Variants in TESC observed in about 807,000 individuals in gnomAD.
TESC encodes the protein tescalcin.
In TESC, 19 loss-of-function variants were observed where a neutral mutation model predicts 31.0. The observed-to-expected ratio is 0.61, with a 90% CI of 0.43 to 0.90. The LOEUF (loss-of-function observed/expected upper bound fraction) is 0.90. Ranked by LOEUF, TESC falls within the 40% of genes least tolerant of loss-of-function variation. The pLI is 0.00. For synonymous variants in TESC, 109 were observed against 114.8 expected (o/e 0.95, Z 0.32); for missense variants, 248 against 303.8 (o/e 0.82, Z 1.36).
At chr12:117,075,871 GTGTGTATA>G in intron 1 of TESC, among the ~76,000 whole-genome samples, 1 of 45,132 alleles carries the variant, frequency 2.2e-5, no homozygotes, top group African/African-American at 1.1e-4. Context: ...ATATATATAT[GTGTGTATA>G]TATATATATA....
At chr12:117,039,239 ACGTTCC>A in intron 7 of TESC, 29 bp from the exon 8 acceptor site, 1 of 1,599,604 alleles carries the variant, frequency 6.3e-7, no homozygotes, top group Non-Finnish European at 8.5e-7. Context: ...CGTTAAGGGC[ACGTTCC>A]CGCCGCCACC....
intron 1 of TESC, among the ~76,000 whole-genome samples, chr12:117,075,836 C>CGTGT (rs202077142): frequency 6.4e-4 from 35 of 54,912 alleles, no homozygotes; most frequent in African/African-American, 2.1e-3. Flanking sequence ...GGCTAATTTT[C>CGTGT]GTGTGTGTGT....
chr12:117,076,873 G>A (rs915746463), intron 1 of TESC, among the ~76,000 whole-genome samples: 13 of 152,180 alleles, frequency 8.5e-5, no homozygotes. Context: ...TCACCAAGAA[G>A]TAATATCGCC....
intron 3 of TESC, chr12:117,054,131 T>TC (rs1175848309): frequency 6.6e-6 from 1 of 152,040 alleles, no homozygotes; most frequent in Non-Finnish European, 1.5e-5. Context: ...ATCCAACCCT[T>TC]CCTCATCTAT....
At chr12:117,089,871 A>T (rs1955282908) in intron 1 of TESC, among the ~76,000 whole-genome samples, 2 of 152,138 alleles carry the variant, frequency 1.3e-5, no homozygotes, top group South Asian at 2.1e-4. Flanking sequence ...GAATCAAACA[A>T]CATAAACCAT....
intron 6 of TESC, among the ~76,000 whole-genome samples, chr12:117,042,887 C>T (rs1183382549): frequency 2.0e-5 from 3 of 152,138 alleles, no homozygotes; most frequent in Admixed American, 1.3e-4. Context: ...ATTACTGGAA[C>T]GCTAAGCTGT....
Position 117,049,036 on chromosome 12 carries a change from C to T in TESC, c.332G>A (p.Arg111Gln), listed in dbSNP as rs2135752312. The T allele has an allele frequency of 1.9e-6, 3 of 1,614,176 alleles. No individual in the cohort carries two copies. Among genetic ancestry groups the T allele is most frequent in the Non-Finnish European group, 2.5e-6 (3 of 1,180,026 alleles). ...GCACGCACATCTCAGCTTCTCCTTC[C>T]GGGACAGCTCCACCTGTTCCTCGTC... ...TMDEEQVELS[R>Q]KEKLRFLFHM... is the part of the protein sequence containing the mutation. Residue 111 changes from arginine (R) to glutamine (Q), a missense_variant, in exon 4 of 8, where the codon CGG (arginine) becomes CAG (glutamine). Coordinates refer to ENST00000335209, the MANE Select transcript of TESC (RefSeq NM_017899.4).
chr12:117,041,659 G>A (rs1461462308), intron 7 of TESC, among the ~76,000 whole-genome samples: 5 of 152,196 alleles, frequency 3.3e-5, no homozygotes, highest in Non-Finnish European at 7.3e-5. Context: ...TCTGAGAAGC[G>A]GCAGTGGGAC....
chr12:117,085,995 G>A (rs1955214743), intron 1 of TESC, among the ~76,000 whole-genome samples: 1 of 152,164 alleles, frequency 6.6e-6, no homozygotes, highest in Non-Finnish European at 1.5e-5. Context: ...TACAAAAGGA[G>A]GCAGCCCTGT....
intron 2 of TESC, among the ~76,000 whole-genome samples, chr12:117,070,423 A>C (rs1954951094): frequency 6.6e-6 from 1 of 152,148 alleles, no homozygotes; most frequent in African/African-American, 2.4e-5. Context: ...TCCTTCCTGC[A>C]GGCTGGGCTG....
chr12:117,065,388 G>A (rs189848218), intron 2 of TESC, among the ~76,000 whole-genome samples: 175 of 152,314 alleles, frequency 1.1e-3, no homozygotes, highest in African/African-American at 3.9e-3. Context: ...AAGCAGGGCT[G>A]AGACAAAGGG....
intron 2 of TESC, among the ~76,000 whole-genome samples, chr12:117,073,692 A>G (rs1955009513): frequency 6.6e-6 from 1 of 152,208 alleles, no homozygotes; most frequent in Non-Finnish European, 1.5e-5. Context: ...TTAGGAAACT[A>G]CATCTGTTAG....
At chr12:117,054,514 G>C (rs994268797) in intron 3 of TESC, among the ~76,000 whole-genome samples, 1 of 151,956 alleles carries the variant, frequency 6.6e-6, no homozygotes, top group Non-Finnish European at 1.5e-5. Context: ...AGTTCCCATC[G>C]CCTGGAACCT....
chr12:117,052,804 C>G (rs12313807), intron 3 of TESC, among the ~76,000 whole-genome samples: 7,388 of 151,940 alleles, frequency 0.049, 358 homozygotes, highest in South Asian at 0.15. Flanking sequence ...CCCTGGGAAC[C>G]TTCCTTTTCT....
intron 1 of TESC, among the ~76,000 whole-genome samples, chr12:117,089,710 T>G (rs1286450413): frequency 6.6e-6 from 1 of 151,700 alleles, no homozygotes; most frequent in Non-Finnish European, 1.5e-5. Flanking sequence ...ATGACCCAGC[T>G]GAAATAAAAA....
At chr12:117,039,344 G>A in intron 7 of TESC, 134 bp from the exon 8 acceptor site, 1 of 826,328 alleles carries the variant, frequency 1.2e-6, no homozygotes, top group South Asian at 1.6e-5. Context: ...GTGAAAACCA[G>A]AGGGCTGTGT....
intron 2 of TESC, among the ~76,000 whole-genome samples, chr12:117,060,847 G>A (rs1156393988): frequency 6.6e-6 from 1 of 152,210 alleles, no homozygotes; most frequent in Non-Finnish European, 1.5e-5. Context: ...GGACCACGTG[G>A]AGCTCCAGAG....
intron 1 of TESC, among the ~76,000 whole-genome samples, chr12:117,075,856 TA>T (rs2135785387): frequency 1.8e-5 from 1 of 55,776 alleles, no homozygotes; most frequent in East Asian, 4.6e-4. Context: ...TGTATATATA[TA>T]TATATATATA....
chr12:117,041,966 G>T lies in TESC; in HGVS notation c.548C>A (p.Thr183Asn). ...MEPDQVYEGI[T>N]FEDFLKIWQG... ...ACCCACCTTCAGGAAGTCCTCGAAG[G>T]TGATCCCCTCGTACACCTGATCAGG... The change falls in exon 7 of 8, where the codon ACC becomes AAC. Residue 183 changes from threonine (T) to asparagine (N), a missense_variant. Coordinates refer to ENST00000335209, the MANE Select transcript of TESC (RefSeq NM_017899.4). 1.3e-6 allele frequency: 2 copies of T among 1,594,336 alleles called. No individual in the cohort carries two copies. The highest frequency in any genetic ancestry group is 1.7e-6 in the Non-Finnish European group (2 of 1,170,048).
Sources: allele counts gnomAD v4.1 joint callset (sites outside exome capture counted in the v4.1 genomes callset), GRCh38; gene constraint gnomAD v4.1.1; transcripts MANE v1.5; gene names NCBI Gene and HGNC (gene_info 2026-07-23, HGNC 2026-07-21).